Variants in WASHC5 observed in about 807,000 individuals in gnomAD.
WASHC5 encodes WASH complex subunit 5, also known as WASH complex subunit strumpellin.
WASHC5 carries 101 observed loss-of-function variants against 150.4 expected under a neutral mutation model. That is an observed-to-expected ratio of 0.67 (90% CI 0.57 to 0.79). WASHC5 has a LOEUF of 0.79. Among genes scored for constraint, WASHC5 ranks in the 30% least tolerant of loss-of-function variants. The pLI, the probability that WASHC5 is intolerant of heterozygous loss-of-function variation, is 0.00. For synonymous variants in WASHC5, 467 were observed against 491.2 expected (o/e 0.95, Z 0.65); for missense variants, 1,195 against 1,396.3 (o/e 0.86, Z 2.30).
chr8:125,069,653 G>A (rs1232817081), intron 9 of WASHC5, among the ~76,000 whole-genome samples: 5 of 152,210 alleles, frequency 3.3e-5, no homozygotes, highest in African/African-American at 1.2e-4. Flanking sequence ...ACTCCATCAG[G>A]AGGAGACTCG....
intron 17 of WASHC5, among the ~76,000 whole-genome samples, chr8:125,053,899 G>A (rs1237476184): frequency 1.3e-5 from 2 of 152,132 alleles, no homozygotes; most frequent in East Asian, 1.9e-4. Context: ...ATCAAGTATT[G>A]GTGAAGATAT....
chr8:125,077,068 C>T (rs1817085208), intron 6 of WASHC5, among the ~76,000 whole-genome samples: 1 of 152,224 alleles, frequency 6.6e-6, no homozygotes, highest in Non-Finnish European at 1.5e-5. Flanking sequence ...GCTGAGTCCT[C>T]ATCTTCTGCC....
At position 125,049,005 on chromosome 8, in the gene WASHC5, C is replaced by A. The variant is rs746724933; in HGVS notation, c.2379+1G>T. On this transcript the variant is annotated splice_donor_variant, in intron 19 of 28. Coordinates refer to ENST00000318410, the MANE Select transcript of WASHC5 (RefSeq NM_014846.4). LOFTEE classifies it high-confidence loss of function. ...CAAGAATTTTAAAATTTATTAGATA[C>A]CTTCGTTCTTAGAAAGTTATTACAC... 1 of 1,607,244 alleles carries A rather than the reference C, an allele frequency of 6.2e-7. No homozygotes were observed. Among genetic ancestry groups the A allele is most frequent in the Non-Finnish European group, 8.5e-7 (1 of 1,175,320 alleles).
chr8:125,065,619 C>CTTTT (rs780278604), intron 10 of WASHC5, among the ~76,000 whole-genome samples: 2 of 130,740 alleles, frequency 1.5e-5, no homozygotes, highest in Non-Finnish European at 3.2e-5. Flanking sequence ...TCTTTCATTC[C>CTTTT]TTTTTTTTTT....
chr8:125,042,344 C>T (rs1001895317), intron 23 of WASHC5, among the ~76,000 whole-genome samples: 2 of 152,176 alleles, frequency 1.3e-5, no homozygotes, highest in African/African-American at 4.8e-5. Context: ...ACCCACATTT[C>T]ATGAGCTCAA....
At chr8:125,081,819 A>T (rs1416993599) in intron 4 of WASHC5, 58 bp from the exon 5 acceptor site, 1 of 998,898 alleles carries the variant, frequency 1.0e-6, no homozygotes, top group Non-Finnish European at 1.6e-6. Flanking sequence ...TTAGGGAGTA[A>T]AGTCGGTAAT....
In WASHC5 at chr8:125,055,631, C is replaced by A; in HGVS notation, c.2057G>T (p.Gly686Val). 6.2e-7 allele frequency: 1 copy of A among 1,613,100 alleles called. No homozygotes were observed. The highest frequency in any genetic ancestry group is 1.1e-5 in the South Asian group (1 of 91,058). ...LTHAISIFTE[G>V]ILMMKTTLVG... is the part of the protein sequence containing the mutation. ...CAAAGTCGTTTTCATCATTAAGATGCCTTCAGTAAAAATGGAAATAGCATG... is the reference window on the plus strand; with the variant it reads ...CAAAGTCGTTTTCATCATTAAGATGACTTCAGTAAAAATGGAAATAGCATG... Residue 686 changes from glycine (G) to valine (V), a missense_variant, in exon 17 of 29, where the codon GGC becomes GTC. Around this residue, in one of 3 missense-constraint regions of WASHC5, gnomAD observed 997 missense variants for 1,168.1 expected, o/e 0.85. Coordinates refer to ENST00000318410, the MANE Select transcript of WASHC5 (RefSeq NM_014846.4).
At chr8:125,070,595 G>A (rs114100545) in intron 9 of WASHC5, among the ~76,000 whole-genome samples, 2,264 of 152,320 alleles carry the variant, frequency 0.015, 53 homozygotes, top group African/African-American at 0.05. Context: ...TTGTTTATAC[G>A]CTTGTGAATG....
Position 125,049,198 on chromosome 8 carries a change from G to T in WASHC5, c.2200-13C>A. ...TCAATTCACTTGGCTGTGGAAAAGG[G>T]GAAACATAAAGCTCTTACACTGGAG... On this transcript the variant is annotated splice_polypyrimidine_tract_variant and intron_variant, in intron 18 of 28. Transcript: ENST00000318410. 1.9e-6 allele frequency: 3 copies of T among 1,613,936 alleles called. No individual in the cohort carries two copies. The highest frequency in any genetic ancestry group is 2.5e-6 in the Non-Finnish European group (3 of 1,179,844).
chr8:125,064,390 T>A (rs373444580), intron 10 of WASHC5, among the ~76,000 whole-genome samples: 11,267 of 151,480 alleles, frequency 0.074, 560 homozygotes, highest in Middle Eastern at 0.14. Context: ...TATTTATTTT[T>A]TTTTTTTTTG....
chr8:125,036,379 C>T lies in WASHC5; in HGVS notation c.3181+858G>A, dbSNP rs149750810. Reference sequence around the variant, plus strand: ...AGACCATACTTTGTTGATTTTAAATCCACTGTCTAGGGCTGGGCACAATGG... The same window carrying T: ...AGACCATACTTTGTTGATTTTAAATTCACTGTCTAGGGCTGGGCACAATGG... On this transcript the variant is annotated intron_variant, in intron 26 of 28. Transcript: ENST00000318410. 2.4e-3 allele frequency among the ~76,000 whole-genome samples: 365 copies of T among 152,302 alleles called. 1 individual carries two copies. Among genetic ancestry groups the T allele is most frequent in the African/African-American group, 8.1e-3 (335 of 41,562 alleles).
intron 28 of WASHC5, among the ~76,000 whole-genome samples, chr8:125,025,763 A>G (rs1327246485): frequency 1.3e-5 from 2 of 152,028 alleles, no homozygotes; most frequent in African/African-American, 4.8e-5. Context: ...TTTAATCTTA[A>G]TCCCTTAAAG....
At chr8:125,031,165 G>A (rs1350704630) in intron 27 of WASHC5, among the ~76,000 whole-genome samples, 1 of 152,198 alleles carries the variant, frequency 6.6e-6, no homozygotes, top group East Asian at 1.9e-4. Context: ...TGTCAAGGAT[G>A]TCCTAGAGCT....
intron 7 of WASHC5, 75 bp from the exon 8 acceptor site, chr8:125,075,186 G>T: frequency 1.1e-6 from 1 of 908,110 alleles, no homozygotes; most frequent in Non-Finnish European, 1.9e-6. Flanking sequence ...TAAAGTTATA[G>T]AAGGCAATAC....
At chr8:125,039,932 A>G in intron 23 of WASHC5, 34 bp from the exon 24 acceptor site, 1 of 1,418,620 alleles carries the variant, frequency 7.0e-7, no homozygotes, top group South Asian at 1.2e-5. Flanking sequence ...CAGGTAGTGC[A>G]TTCAAGCATT....
Position 125,067,592 on chromosome 8 carries a change from C to A in WASHC5, c.1278G>T (p.Glu426Asp). Residue 426 changes from glutamate (E) to aspartate (D), a missense_variant and splice_region_variant, in exon 10 of 29, where the codon GAG becomes GAT. Around this residue, in one of 3 missense-constraint regions of WASHC5, gnomAD observed 997 missense variants for 1,168.1 expected, o/e 0.85. Transcript: ENST00000318410. ...GTGATATTCATTCAAATATTTTTAC[C>A]TCTTTGAGTATAAACTCAAATTGTG... ...DTAQFEFILK[E>D]MFKQMLSEKQ... 6.2e-7 allele frequency: 1 copy of A among 1,609,066 alleles called. No individual in the cohort carries two copies. Among genetic ancestry groups the A allele is most frequent in the Non-Finnish European group, 8.5e-7 (1 of 1,176,182 alleles).
At chr8:125,068,388 A>G (rs970301939) in intron 9 of WASHC5, among the ~76,000 whole-genome samples, 1 of 152,126 alleles carries the variant, frequency 6.6e-6, no homozygotes, top group Non-Finnish European at 1.5e-5. Context: ...CTGGTTGACA[A>G]CACTTCATAT....
rs148398606 is a variant in WASHC5, at chr8:125,036,727, C to T, written c.3181+510G>A. Among the ~76,000 whole-genome samples, 372 of 144,448 alleles carry T rather than the reference C, an allele frequency of 2.6e-3. 1 individual carries two copies. Among genetic ancestry groups the T allele is most frequent in the African/African-American group, 9.8e-3 (341 of 34,650 alleles). The allele number at this position is 144,448 out of a possible 152,430, so 94.8% of individuals were successfully genotyped here. On this transcript the variant is annotated intron_variant, in intron 26 of 28. Transcript: ENST00000318410. ...AGTGTACTTAAAAAAAAAATAAATC[C>T]GGCCAGGTGTGGTGGCTCATACCTG...
At chr8:125,051,882 C>CA (rs892871932) in intron 17 of WASHC5, among the ~76,000 whole-genome samples, 7 of 150,342 alleles carry the variant, frequency 4.7e-5, no homozygotes, top group African/African-American at 1.5e-4. Context: ...AACTCTGTCT[C>CA]AAAAAAAAAG....
Sources: gnomAD v4.1 joint callset for allele counts (sites outside exome capture counted in the v4.1 genomes callset) on GRCh38, gnomAD v4.1.1 for gene constraint, gnomAD v4.1.1 regional missense constraint, MANE v1.5 for transcripts, NCBI Gene and HGNC (gene_info 2026-07-23, HGNC 2026-07-21) for gene names.